Variants in HS2ST1 observed in about 807,000 individuals in gnomAD.
HS2ST1 encodes the protein heparan sulfate 2-O-sulfotransferase 1.
Under a neutral mutation model 42.9 loss-of-function variants are expected in HS2ST1, and 18 were observed. That is an observed-to-expected ratio of 0.42 (90% confidence interval 0.29 to 0.62). HS2ST1 has a LOEUF of 0.62. Ranked by LOEUF, HS2ST1 falls within the 20% of genes least tolerant of loss-of-function variation. The probability of loss-of-function intolerance (pLI) is 0.21; values close to 1 mark genes in which losing one functional copy is unlikely to be tolerated. For synonymous variants in HS2ST1, 146 were observed against 152.9 expected (o/e 0.95, Z 0.33); for missense variants, 334 against 433.8 (o/e 0.77, Z 2.04).
At chr1:86,989,638 G>T (rs1357441344) in intron 1 of HS2ST1, among the ~76,000 whole-genome samples, 1 of 152,106 alleles carries the variant, frequency 6.6e-6, no homozygotes, top group Non-Finnish European at 1.5e-5. Context: ...CGTTACATAG[G>T]TATACACGTG....
chr1:86,970,566 A>G (rs1407697503), intron 1 of HS2ST1, among the ~76,000 whole-genome samples: 1 of 151,882 alleles, frequency 6.6e-6, no homozygotes, highest in African/African-American at 2.4e-5. Context: ...ATGCTTGGCA[A>G]ATTTTTGTTT....
At chr1:86,992,940 G>C in intron 1 of HS2ST1, 1 of 794,480 alleles carries the variant, frequency 1.3e-6, no homozygotes, top group Non-Finnish European at 1.9e-6. Context: ...AATAAACTGG[G>C]GGAAACTTAG....
intron 1 of HS2ST1, among the ~76,000 whole-genome samples, chr1:87,021,681 A>G (rs1178648552): frequency 6.6e-6 from 1 of 152,066 alleles, no homozygotes; most frequent in Non-Finnish European, 1.5e-5. Flanking sequence ...ACACCCAGCT[A>G]ATTGTTTAAT....
At chr1:87,010,327 G>A (rs1649563144) in intron 1 of HS2ST1, among the ~76,000 whole-genome samples, 1 of 150,866 alleles carries the variant, frequency 6.6e-6, no homozygotes, top group African/African-American at 2.4e-5. Flanking sequence ...CATGATTCTT[G>A]ATTTTCTTCT....
At chr1:87,007,574 C>T (rs534753644) in intron 1 of HS2ST1, among the ~76,000 whole-genome samples, 1 of 152,140 alleles carries the variant, frequency 6.6e-6, no homozygotes, top group African/African-American at 2.4e-5. Flanking sequence ...TGTTTCACTT[C>T]ATACCTGTTA....
At position 86,964,200 on chromosome 1, in the gene HS2ST1, GC is replaced by G. The variant is rs1255711107; in HGVS notation, c.124+49042del. Among the ~76,000 whole-genome samples, 318 of 152,178 alleles carry G rather than the reference GC, an allele frequency of 2.1e-3. 11 individuals carry two copies. The highest frequency in any genetic ancestry group is 0.021 in the Admixed American group (317 of 15,296). ...CTCCTCACTTCCCAGACGATGGGCG[GC>G]CAGGCAAAGACACTCCTCACTTCCC... On this transcript the variant is annotated intron_variant, in intron 1 of 6. Coordinates refer to ENST00000370550, the MANE Select transcript of HS2ST1 (RefSeq NM_012262.4).
chr1:86,926,794 A>G (rs1012179392), intron 1 of HS2ST1, among the ~76,000 whole-genome samples: 2 of 152,202 alleles, frequency 1.3e-5, no homozygotes, highest in Non-Finnish European at 2.9e-5. Flanking sequence ...ATTTCTTCAT[A>G]ATCTCTAGCA....
In HS2ST1 at chr1:86,915,065, C is replaced by T. The variant is rs757656733; in HGVS notation, c.29C>T (p.Pro10Leu). 1.2e-6 allele frequency: 2 copies of T among 1,614,042 alleles called. No individual in the cohort carries two copies. The highest frequency in any genetic ancestry group is 1.3e-5 in the African/African-American group (1 of 74,934). The change falls in exon 1 of 7, where the codon CCC becomes CTC. Residue 10 changes from proline (P) to leucine (L), a missense_variant. Physicochemically the swap from Pro to Leu is moderately conservative, Grantham distance 98. Transcript: ENST00000370550. Reference protein sequence around the residue: MGLLRIMMPPKLQLLAVVAF... With the variant: MGLLRIMMPLKLQLLAVVAF... ...GGGCTCCTCAGGATTATGATGCCGC[C>T]CAAGTTGCAGCTGCTGGCGGTGGTG...
chr1:87,029,413 C>T (rs947028729), intron 1 of HS2ST1, among the ~76,000 whole-genome samples: 3 of 151,944 alleles, frequency 2.0e-5, no homozygotes, highest in Admixed American at 6.6e-5. Flanking sequence ...TTCAGCAGGG[C>T]GTCAATAGTA....
chr1:86,960,808 A>G (rs1392769097), intron 1 of HS2ST1, among the ~76,000 whole-genome samples: 1 of 133,046 alleles, frequency 7.5e-6, no homozygotes, highest in South Asian at 2.9e-4. Flanking sequence ...GGGAATTCTC[A>G]TTCATTGCTG....
At chr1:86,993,095 A>G (rs767020807) in intron 1 of HS2ST1, 16 of 1,599,928 alleles carry the variant, frequency 1.0e-5, no homozygotes, top group Non-Finnish European at 1.2e-5. Context: ...CTGTTTATCA[A>G]ATTCATTCAT....
chr1:86,915,514 G>T (rs761910256), intron 1 of HS2ST1, among the ~76,000 whole-genome samples: 17 of 152,200 alleles, frequency 1.1e-4, no homozygotes, highest in Non-Finnish European at 2.4e-4. Flanking sequence ...TTAGCATCGC[G>T]TGTTCTCTTG....
At chr1:87,060,770 T>C (rs1651099191) in intron 1 of HS2ST1, among the ~76,000 whole-genome samples, 1 of 152,174 alleles carries the variant, frequency 6.6e-6, no homozygotes, top group Non-Finnish European at 1.5e-5. Flanking sequence ...TAGAAAAGTA[T>C]AGCCATAGCC....
At chr1:87,067,047 T>G (rs979242129) in intron 1 of HS2ST1, among the ~76,000 whole-genome samples, 1 of 152,344 alleles carries the variant, frequency 6.6e-6, no homozygotes, top group East Asian at 1.9e-4. Flanking sequence ...TGCATGTGTC[T>G]TTATAGTAGA....
rs568719260 is a variant in HS2ST1 at position 86,930,623 on chromosome 1, A to G, written c.124+15463A>G. ...GATTTTATCCTAAATTTATAATTGC[A>G]TTGGAAAAGTGGGCTTTTTAAAAAA... On this transcript the variant is annotated intron_variant, in intron 1 of 6. Transcript: ENST00000370550. Among the ~76,000 whole-genome samples the G allele has an allele frequency of 4.6e-5, 7 of 152,062 alleles. No individual in the cohort carries two copies. In the South Asian group the frequency reaches 1.4e-3, roughly 31 times the overall value.
chr1:87,090,480 A>T (rs1479291894), intron 3 of HS2ST1, among the ~76,000 whole-genome samples: 1 of 152,056 alleles, frequency 6.6e-6, no homozygotes, highest in Non-Finnish European at 1.5e-5. Flanking sequence ...AAACACTAGT[A>T]GGATAAGCTA....
chr1:86,923,364 G>A (rs1223340973), intron 1 of HS2ST1, among the ~76,000 whole-genome samples: 1 of 151,014 alleles, frequency 6.6e-6, no homozygotes, highest in Non-Finnish European at 1.5e-5. Context: ...TATGGTGGCA[G>A]GCAAAAAATG....
chr1:86,991,233 T>A (rs889378095), intron 1 of HS2ST1, among the ~76,000 whole-genome samples: 3 of 152,086 alleles, frequency 2.0e-5, no homozygotes, highest in African/African-American at 7.2e-5. Context: ...AAAAAAAGAC[T>A]TTAGACGAAT....
intron 1 of HS2ST1, among the ~76,000 whole-genome samples, chr1:86,964,075 C>T (rs2102201121): frequency 6.7e-6 from 1 of 149,684 alleles, no homozygotes; most frequent in South Asian, 2.1e-4. Flanking sequence ...ACATCCCACA[C>T]GGGGTGGCGG....
Sources: gnomAD v4.1 joint callset for allele counts (sites outside exome capture counted in the v4.1 genomes callset) on GRCh38, gnomAD v4.1.1 for gene constraint, MANE v1.5 for transcripts, NCBI Gene and HGNC (gene_info 2026-07-23, HGNC 2026-07-21) for gene names.